Variants in LIPH observed in about 807,000 individuals in gnomAD.
LIPH encodes lipase H.
LIPH carries 32 observed loss-of-function variants against 47.6 expected under a neutral mutation model. That is an observed-to-expected ratio of 0.67 (90% CI 0.51 to 0.90). The LOEUF is 0.90. Ranked by LOEUF, LIPH falls within the 40% of genes least tolerant of loss-of-function variation. The probability of loss-of-function intolerance (pLI) is 0.00; values close to 1 mark genes in which losing one functional copy is unlikely to be tolerated. For synonymous variants in LIPH, 190 were observed against 195.6 expected, an observed-to-expected ratio of 0.97 and a Z score of 0.24; for missense variants, 497 against 541.4, an observed-to-expected ratio of 0.92 and a Z score of 0.81.
intron 8 of LIPH, among the ~76,000 whole-genome samples, chr3:185,512,790 A>G (rs1390478989): frequency 6.6e-6 from 1 of 151,990 alleles, no homozygotes; most frequent in Non-Finnish European, 1.5e-5. Flanking sequence ...AGCCTACCCA[A>G]CATTAATCCT....
intron 3 of LIPH, among the ~76,000 whole-genome samples, chr3:185,532,911 C>T (rs1217851103): frequency 6.6e-6 from 1 of 152,032 alleles, no homozygotes; most frequent in Non-Finnish European, 1.5e-5. Context: ...CTTTTTCCAT[C>T]CACTTCTACC....
chr3:185,514,431 G>T lies in LIPH; in HGVS notation c.1073C>A (p.Thr358Asn). ...TTACTGATTGATTTTGGATTCTGTGGTGTTTCCAGCTTTGTCTCTCAATTT... is the reference window on the plus strand; with the variant it reads ...TTACTGATTGATTTTGGATTCTGTGTTGTTTCCAGCTTTGTCTCTCAATTT... ...TIKLRDKAGN[T>N]TESKINHEPT... The change falls in exon 8 of 10, where the codon ACC becomes AAC. Residue 358 changes from threonine (T) to asparagine (N), a missense_variant. By Grantham distance (65) the Thr-to-Asn change is moderately conservative. Transcript: ENST00000296252. The T allele has an allele frequency of 1.3e-6, 2 of 1,543,396 alleles. No individual in the cohort carries two copies. Among genetic ancestry groups the T allele is most frequent in the Non-Finnish European group, 1.8e-6 (2 of 1,115,424 alleles).
chr3:185,530,433 G>A (rs984211729), intron 3 of LIPH, among the ~76,000 whole-genome samples: 7 of 152,026 alleles, frequency 4.6e-5, no homozygotes, highest in African/African-American at 1.4e-4. Context: ...AGCCGAGATC[G>A]TGCCACTGTA....
Position 185,508,645 on chromosome 3 carries a change from A to G in LIPH, c.*145T>C. 1 of 690,262 alleles carries G rather than the reference A, an allele frequency of 1.4e-6. No individual in the cohort carries two copies. Among genetic ancestry groups the G allele is most frequent in the East Asian group, 2.7e-5 (1 of 36,752 alleles). The allele number at this position is 690,262 out of a possible 1,614,324, so 42.8% of individuals were successfully genotyped here. A position where few individuals can be genotyped will look rare whatever the true frequency, so the allele number is the denominator to read the frequency against. ...TAATCACAAGGTTGTTTGATGTACA[A>G]TGTGACATCCATAGGACGCTACTGA... On this transcript the variant is annotated 3_prime_UTR_variant, in exon 10 of 10. Transcript: ENST00000296252.
In LIPH at chr3:185,533,685, A is replaced by G; in HGVS notation, c.418-6T>C. Reference sequence around the variant, plus strand: ...TCAAGAGAAGCTCCTTCTGCCTGGAATTTCAAGAGGTCCATCATTGTAAAT... The same window carrying G: ...TCAAGAGAAGCTCCTTCTGCCTGGAGTTTCAAGAGGTCCATCATTGTAAAT... On this transcript the variant is annotated splice_polypyrimidine_tract_variant and splice_region_variant and intron_variant, in intron 2 of 9. Transcript: ENST00000296252. 1.3e-6 allele frequency: 2 copies of G among 1,576,676 alleles called. No homozygotes were observed. Among genetic ancestry groups the G allele is most frequent in the Non-Finnish European group, 1.7e-6 (2 of 1,145,718 alleles).
chr3:185,524,182 T>C, intron 4 of LIPH, 22 bp from the exon 5 acceptor site: 2 of 1,418,988 alleles, frequency 1.4e-6, no homozygotes, highest in East Asian at 4.6e-5. Flanking sequence ...CACATTCTGC[T>C]TTTATACTCC....
chr3:185,518,509 T>C (rs1330418343), intron 6 of LIPH, among the ~76,000 whole-genome samples: 1 of 151,908 alleles, frequency 6.6e-6, no homozygotes, highest in African/African-American at 2.4e-5. Flanking sequence ...CTCAAACTCC[T>C]GACCTTGTGA....
intron 5 of LIPH, among the ~76,000 whole-genome samples, chr3:185,523,279 G>A (rs759784248): frequency 6.6e-6 from 1 of 152,110 alleles, no homozygotes; most frequent in Non-Finnish European, 1.5e-5. Flanking sequence ...TGTGGCTATA[G>A]TTTTAAAAGT....
rs749171095 is a variant in LIPH, at chr3:185,549,622, G to T, written c.49+2801C>A. Among the ~76,000 whole-genome samples the T allele has an allele frequency of 2.0e-5, 3 of 152,122 alleles. No homozygotes were observed. The South Asian group carries it at 6.2e-4, about 31-fold the overall frequency. On this transcript the variant is annotated intron_variant, in intron 1 of 9. Coordinates refer to ENST00000296252, the MANE Select transcript of LIPH (RefSeq NM_139248.3). Reference sequence around the variant, plus strand: ...CCACCTGCAGCTGAAAAACCCTGAGGAATTGTTAAAAATGCAGATTCTAGG... The same window carrying T: ...CCACCTGCAGCTGAAAAACCCTGAGTAATTGTTAAAAATGCAGATTCTAGG...
chr3:185,527,398 A>G, intron 4 of LIPH, 86 bp downstream of exon 4: 1 of 937,164 alleles, frequency 1.1e-6, no homozygotes, highest in Non-Finnish European at 1.8e-6. Context: ...GAGGAACCTG[A>G]TCTGCTCCTA....
chr3:185,512,487 CTTTTTTT>C (rs549114120), intron 8 of LIPH, among the ~76,000 whole-genome samples: 1 of 130,962 alleles, frequency 7.6e-6, no homozygotes, highest in Non-Finnish European at 1.6e-5. Flanking sequence ...GACATTAATC[CTTTTTTT>C]TTTTTTTTTT....
At chr3:185,531,122 G>A (rs1322592181) in intron 3 of LIPH, among the ~76,000 whole-genome samples, 1 of 152,198 alleles carries the variant, frequency 6.6e-6, no homozygotes, top group Admixed American at 6.6e-5. Context: ...TGCATACTAC[G>A]TGTGAGCGGA....
chr3:185,542,482 A>G (rs1187508803), intron 1 of LIPH, among the ~76,000 whole-genome samples: 1 of 151,806 alleles, frequency 6.6e-6, no homozygotes, highest in African/African-American at 2.4e-5. Flanking sequence ...ACGTTCTGCT[A>G]ATTTTTGTAT....
Position 185,535,019 on chromosome 3 carries a change from G to C in LIPH, c.163C>G (p.Gln55Glu). ...CCAAAAGCTGAGGAGTTGATGGTTT[G>C]TGCGCAGGTCAGGTTTTTCCTTGTG... ...LYTRKNLTCA[Q>E]TINSSAFGNL... Residue 55 changes from glutamine (Q) to glutamate (E), a missense_variant, in exon 2 of 10, where the codon CAA becomes GAA. Gln to Glu is a conservative substitution (Grantham distance 29, BLOSUM62 2). Transcript: ENST00000296252. The C allele has an allele frequency of 6.2e-7, 1 of 1,613,726 alleles. No individual in the cohort carries two copies. Among genetic ancestry groups the C allele is most frequent in the Non-Finnish European group, 8.5e-7 (1 of 1,179,798 alleles).
chr3:185,530,282 C>T (rs1720294938), intron 3 of LIPH, among the ~76,000 whole-genome samples: 2 of 151,984 alleles, frequency 1.3e-5, no homozygotes, highest in African/African-American at 4.8e-5. Context: ...AGTTTGAGAC[C>T]AGCCTGGCCA....
At chr3:185,536,096 C>G (rs185434097) in intron 1 of LIPH, among the ~76,000 whole-genome samples, 1 of 152,150 alleles carries the variant, frequency 6.6e-6, no homozygotes, top group Non-Finnish European at 1.5e-5. Flanking sequence ...ACCTTGTTGA[C>G]GACACAATGA....
At chr3:185,547,860 T>A (rs1282118241) in intron 1 of LIPH, among the ~76,000 whole-genome samples, 1 of 151,138 alleles carries the variant, frequency 6.6e-6, no homozygotes, top group Non-Finnish European at 1.5e-5. Context: ...AGAAAGAAAG[T>A]ATTTACTGAG....
chr3:185,538,900 CACATATACACAT>C (rs1443653838), intron 1 of LIPH, among the ~76,000 whole-genome samples: 1 of 58,472 alleles, frequency 1.7e-5, no homozygotes, highest in Non-Finnish European at 3.9e-5. Flanking sequence ...TACGTATATA[CACATATACACAT>C]ATATACACAT....
At position 185,524,130 on chromosome 3, in the gene LIPH, A is replaced by C; in HGVS notation, c.659T>G (p.Ile220Arg). 2 of 1,613,028 alleles carry C rather than the reference A, an allele frequency of 1.2e-6. No homozygotes were observed. Among genetic ancestry groups the C allele is most frequent in the Non-Finnish European group, 1.7e-6 (2 of 1,179,114 alleles). ...ALGYKEPLGN[I>R]DFYPNGGLDQ... ...CAATCCTCCATTTGGGTAGAAGTCT[A>C]TGTTTCCTAATGGCTCCTTGTAGCC... is the stretch of plus-strand genomic sequence containing the variant. Residue 220 changes from isoleucine (I) to arginine (R), a missense_variant, in exon 5 of 10, where the codon ATA becomes AGA. Coordinates refer to ENST00000296252, the MANE Select transcript of LIPH (RefSeq NM_139248.3).
Sources: gnomAD v4.1 joint callset for allele counts (sites outside exome capture counted in the v4.1 genomes callset) on GRCh38, gnomAD v4.1.1 for gene constraint, MANE v1.5 for transcripts, NCBI Gene and HGNC (gene_info 2026-07-23, HGNC 2026-07-21) for gene names.